DLG2: variants seen among roughly 807,000 people sequenced by gnomAD.
The protein encoded by DLG2 is disks large homolog 2.
DLG2 carries 45 observed loss-of-function variants against 132.5 expected under a neutral mutation model. The ratio of observed to expected loss-of-function variants is 0.34; its 90% CI spans 0.27 to 0.44. DLG2 has a LOEUF of 0.44. DLG2 is among the 20% of genes least tolerant of loss of function. The pLI is 1.00. For synonymous variants in DLG2, 424 were observed against 419.6 expected (o/e 1.01, Z -0.13); for missense variants, 1,045 against 1,196.9 (o/e 0.87, Z 1.87).
chr11:84,911,209 A>T (rs1359783415), intron 6 of DLG2, among the ~76,000 whole-genome samples: 1 of 152,122 alleles, frequency 6.6e-6, no homozygotes, highest in Non-Finnish European at 1.5e-5. Context: ...TGGACAGAAA[A>T]GATTATGTGG....
intron 6 of DLG2, among the ~76,000 whole-genome samples, chr11:85,029,915 T>C (rs1244762138): frequency 2.0e-5 from 3 of 152,192 alleles, no homozygotes. Flanking sequence ...AGATGTGGTT[T>C]CACCATGTTA....
chr11:84,248,451 A>G (rs1031885353), intron 8 of DLG2, among the ~76,000 whole-genome samples: 1 of 152,182 alleles, frequency 6.6e-6, no homozygotes, highest in Admixed American at 6.5e-5. Flanking sequence ...AAATTACTTA[A>G]GAACATACTA....
chr11:85,093,114 C>T (rs1240336747), intron 6 of DLG2, among the ~76,000 whole-genome samples: 1 of 152,108 alleles, frequency 6.6e-6, no homozygotes, highest in Non-Finnish European at 1.5e-5. Flanking sequence ...CCTCATTGTT[C>T]AAGGGTCAAC....
At chr11:84,514,815 C>T (rs914520198) in intron 7 of DLG2, among the ~76,000 whole-genome samples, 5 of 151,814 alleles carry the variant, frequency 3.3e-5, no homozygotes, top group Non-Finnish European at 7.4e-5. Context: ...ACAAAAAGAG[C>T]TTAACTGTTT....
intron 19 of DLG2, among the ~76,000 whole-genome samples, chr11:83,588,353 G>A (rs1271688540): frequency 2.6e-5 from 4 of 151,776 alleles, no homozygotes; most frequent in Non-Finnish European, 4.4e-5. Flanking sequence ...CTAACTGGGA[G>A]GCACCCCCCA....
chr11:84,952,357 A>G (rs1384879387), intron 6 of DLG2, among the ~76,000 whole-genome samples: 7 of 152,134 alleles, frequency 4.6e-5, no homozygotes, highest in African/African-American at 7.2e-5. Flanking sequence ...CTCTACTAAA[A>G]ATACAAAAAA....
intron 6 of DLG2, among the ~76,000 whole-genome samples, chr11:84,679,345 G>C (rs2099723045): frequency 6.6e-6 from 1 of 152,040 alleles, no homozygotes; most frequent in South Asian, 2.1e-4. Flanking sequence ...TTTCAGGAAT[G>C]TTTGCAAATG....
chr11:84,628,226 G>A (rs753087717), intron 6 of DLG2, among the ~76,000 whole-genome samples: 17 of 152,042 alleles, frequency 1.1e-4, no homozygotes, highest in African/African-American at 2.7e-4. Context: ...CAGATTAGGA[G>A]CCCAATATTC....
intron 6 of DLG2, chr11:84,997,402 C>T (rs1221031764): frequency 1.3e-5 from 2 of 152,274 alleles, no homozygotes; most frequent in South Asian, 2.1e-4. Flanking sequence ...ACTCTTGCTT[C>T]GTCTTGGTGA....
chr11:85,506,935 T>C (rs286536), intron 3 of DLG2, among the ~76,000 whole-genome samples: 149,196 of 152,328 alleles, frequency 0.98, 73,092 homozygotes, highest in African/African-American at 0.99. Context: ...GGATAGTTAG[T>C]TCTTCTTGTC....
At chr11:84,109,707 A>T (rs1751182906) in intron 9 of DLG2, among the ~76,000 whole-genome samples, 1 of 152,276 alleles carries the variant, frequency 6.6e-6, no homozygotes, top group South Asian at 2.1e-4. Context: ...GTAATAATGG[A>T]GTGAGTTCCT....
chr11:85,063,139 G>C (rs1455300302), intron 6 of DLG2, among the ~76,000 whole-genome samples: 2 of 151,804 alleles, frequency 1.3e-5, no homozygotes, highest in Non-Finnish European at 2.9e-5. Flanking sequence ...CAGCTGTTAG[G>C]AGTGTTAGCC....
At chr11:83,740,109 T>C (rs2092383706) in intron 18 of DLG2, among the ~76,000 whole-genome samples, 1 of 152,206 alleles carries the variant, frequency 6.6e-6, no homozygotes, top group Non-Finnish European at 1.5e-5. Flanking sequence ...TGCAAAACTA[T>C]TAAGCAGTTG....
chr11:85,323,913 T>G (rs560412913), intron 3 of DLG2, among the ~76,000 whole-genome samples: 66 of 152,328 alleles, frequency 4.3e-4, no homozygotes, highest in African/African-American at 1.5e-3. Context: ...TGATGGACAC[T>G]TTGCCAATTC....
chr11:83,968,124 A>G (rs2090600217), intron 12 of DLG2, among the ~76,000 whole-genome samples: 1 of 152,226 alleles, frequency 6.6e-6, no homozygotes, highest in African/African-American at 2.4e-5. Flanking sequence ...TCCCAAAAGC[A>G]TTGGACTGAA....
intron 4 of DLG2, among the ~76,000 whole-genome samples, chr11:85,156,305 A>C (rs1187422943): frequency 6.6e-6 from 1 of 152,224 alleles, no homozygotes; most frequent in Non-Finnish European, 1.5e-5. Context: ...CTGTCCCATT[A>C]GAGTATCTTG....
intron 7 of DLG2, among the ~76,000 whole-genome samples, chr11:84,534,052 AG>A: frequency 6.6e-6 from 1 of 152,310 alleles, no homozygotes; most frequent in Non-Finnish European, 1.5e-5. Flanking sequence ...AATTTTAAAA[AG>A]TAGAAAGTGT....
chr11:85,445,815 AAC>A (rs1318414970), intron 3 of DLG2, among the ~76,000 whole-genome samples: 3 of 152,226 alleles, frequency 2.0e-5, no homozygotes, highest in Non-Finnish European at 4.4e-5. Context: ...TTTAGAACCT[AAC>A]ACAGTGGGCA....
chr11:83,737,612 T>C (rs761261515), intron 18 of DLG2, among the ~76,000 whole-genome samples: 7 of 152,224 alleles, frequency 4.6e-5, no homozygotes, highest in Non-Finnish European at 8.8e-5. Context: ...TAGAACTATA[T>C]GCTTGGTCCA....
Sources: allele counts gnomAD v4.1 joint callset (sites outside exome capture counted in the v4.1 genomes callset), GRCh38; gene constraint gnomAD v4.1.1; transcripts MANE v1.5; gene names NCBI Gene and HGNC (gene_info 2026-07-23, HGNC 2026-07-21).